Variants in ATP8B4 observed in about 807,000 individuals in gnomAD.
ATP8B4 encodes the protein ATPase phospholipid transporting 8B4 (putative).
Under a neutral mutation model 145.6 loss-of-function variants are expected in ATP8B4, and 133 were observed. That is an observed-to-expected ratio of 0.91 (90% CI 0.79 to 1.05). ATP8B4 has a LOEUF of 1.05. Among genes scored for constraint, ATP8B4 ranks in the 50% least tolerant of loss-of-function variants. The pLI is 0.00. For missense variants in ATP8B4, 1,458 were observed against 1,425.2 expected, an observed-to-expected ratio of 1.02 and a Z score of -0.37; for synonymous variants, 507 against 492.9, an observed-to-expected ratio of 1.03 and a Z score of -0.38.
At chr15:50,098,506 A>C (rs535825014) in intron 2 of ATP8B4, among the ~76,000 whole-genome samples, 2 of 150,750 alleles carry the variant, frequency 1.3e-5, no homozygotes, top group African/African-American at 4.9e-5. Context: ...CTGGTCTCAA[A>C]CTCCTGGCCT....
intron 7 of ATP8B4, 110 bp downstream of exon 7, chr15:50,010,735 G>A: frequency 4.7e-6 from 3 of 637,414 alleles, no homozygotes; most frequent in East Asian, 3.4e-5. Flanking sequence ...ACATACTGAT[G>A]ATAATTATTC....
At chr15:49,947,307 T>C (rs2042652750) in intron 14 of ATP8B4, among the ~76,000 whole-genome samples, 1 of 152,010 alleles carries the variant, frequency 6.6e-6, no homozygotes, top group South Asian at 2.1e-4. Context: ...GACACGTGCC[T>C]GTAGTCCCAG....
intron 6 of ATP8B4, among the ~76,000 whole-genome samples, chr15:50,032,710 G>A (rs549660635): frequency 1.2e-4 from 18 of 152,164 alleles, no homozygotes; most frequent in South Asian, 2.1e-4. Flanking sequence ...CCTAAAAATC[G>A]TATGTATAAA....
At chr15:50,023,515 T>C (rs1254306433) in intron 6 of ATP8B4, among the ~76,000 whole-genome samples, 1 of 152,154 alleles carries the variant, frequency 6.6e-6, no homozygotes, top group African/African-American at 2.4e-5. Context: ...TCTAAAATGC[T>C]CCCTATTTAA....
At chr15:50,057,890 T>G (rs1478685257) in intron 3 of ATP8B4, among the ~76,000 whole-genome samples, 1 of 152,116 alleles carries the variant, frequency 6.6e-6, no homozygotes, top group East Asian at 1.9e-4. Context: ...TTAATCACAC[T>G]AATTTTTTTT....
At chr15:49,952,771 G>T (rs571435937) in intron 14 of ATP8B4, among the ~76,000 whole-genome samples, 2 of 152,162 alleles carry the variant, frequency 1.3e-5, no homozygotes, top group Non-Finnish European at 2.9e-5. Context: ...TGGAGGTGAA[G>T]AGGTGCTCTA....
At chr15:49,874,976 C>CA (rs948343648) in intron 25 of ATP8B4, among the ~76,000 whole-genome samples, 70 of 147,916 alleles carry the variant, frequency 4.7e-4, no homozygotes, top group Middle Eastern at 3.4e-3. Flanking sequence ...TATGGGCAAG[C>CA]AAAAAAAAAG....
At chr15:49,981,124 CT>C (rs1237928337) in intron 11 of ATP8B4, 81 bp downstream of exon 11, 3 of 1,200,152 alleles carry the variant, frequency 2.5e-6, no homozygotes, top group Non-Finnish European at 3.6e-6. Flanking sequence ...AGAATGTAGG[CT>C]TCTTAAAGAA....
At chr15:49,870,504 AG>A (rs2033525978) in intron 25 of ATP8B4, among the ~76,000 whole-genome samples, 1 of 152,216 alleles carries the variant, frequency 6.6e-6, no homozygotes, top group Non-Finnish European at 1.5e-5. Context: ...TTTGGCCTGT[AG>A]CATCAGCAGG....
At chr15:50,024,008 T>G (rs1163890299) in intron 6 of ATP8B4, among the ~76,000 whole-genome samples, 1 of 152,114 alleles carries the variant, frequency 6.6e-6, no homozygotes, top group Non-Finnish European at 1.5e-5. Flanking sequence ...ACTGGAAAAT[T>G]AGGTTCTATT....
rs776401795 is a variant in ATP8B4 at position 50,179,917 on chromosome 15, A to G, written c.-43+2344T>C. Among the ~76,000 whole-genome samples the G allele has an allele frequency of 9.2e-5, 14 of 152,226 alleles. 1 individual carries two copies. The highest frequency in any genetic ancestry group is 1.8e-4 in the Non-Finnish European group (12 of 68,038). ...AAGACATCTATTAACCTCGTGATAA[A>G]GCAAGAGCTGGATCCCAGGCTCAAA... is the stretch of plus-strand genomic sequence containing the variant. On this transcript the variant is annotated intron_variant, in intron 1 of 3. Coordinates refer to the ATP8B4 transcript ENST00000558829.
chr15:49,901,742 A>T (rs4357881), intron 20 of ATP8B4: 3 of 398,746 alleles, frequency 7.5e-6, no homozygotes, highest in Non-Finnish European at 1.5e-5. Context: ...TGAGAAACAT[A>T]TTTTTTAAAA....
upstream of ATP8B4, among the ~76,000 whole-genome samples, chr15:50,119,752 C>CTTTTTTTTTTTT (rs572570694): frequency 1.1e-5 from 1 of 91,606 alleles, no homozygotes; most frequent in African/African-American, 4.3e-5. Context: ...GTTTTTGTCA[C>CTTTTTTTTTTTT]TTTTTTTTTT....
Position 49,934,162 on chromosome 15 carries a change from G to A in ATP8B4, c.1308C>T (p.Phe436=). The stretch of plus-strand genomic sequence containing the variant: ...CTCTATCCGCTTGAGATTTGACTGA[G>A]AAATCCACAGGCTCTTTTTCCTGTA... ...EITQEKEPVD[F]SVKSQADREF... is the part of the protein sequence containing the mutation. The change falls in exon 15 of 28, where the codon TTC becomes TTT. Residue 436 remains phenylalanine (F), a synonymous_variant. Coordinates refer to ENST00000284509, the MANE Select transcript of ATP8B4 (RefSeq NM_024837.4). 1 of 1,610,686 alleles carries A rather than the reference G, an allele frequency of 6.2e-7. No homozygotes were observed. Among genetic ancestry groups the A allele is most frequent in the Non-Finnish European group, 8.5e-7 (1 of 1,178,642 alleles).
intron 2 of ATP8B4, among the ~76,000 whole-genome samples, chr15:50,081,968 C>G (rs2153643203): frequency 6.6e-6 from 1 of 152,300 alleles, no homozygotes; most frequent in South Asian, 2.1e-4. Context: ...AAGACTGGTA[C>G]TGATCCAAAA....
chr15:49,939,323 T>C (rs2153475212), intron 14 of ATP8B4, among the ~76,000 whole-genome samples: 1 of 152,036 alleles, frequency 6.6e-6, no homozygotes, highest in East Asian at 1.9e-4. Context: ...GTTGGTTTTT[T>C]TGAAAGAATA....
intron 3 of ATP8B4, among the ~76,000 whole-genome samples, chr15:50,068,271 G>C (rs560195980): frequency 1.3e-5 from 2 of 152,310 alleles, no homozygotes; most frequent in Middle Eastern, 3.4e-3. Flanking sequence ...CCTTAGTGGT[G>C]TGATTGTAGC....
intron 26 of ATP8B4, among the ~76,000 whole-genome samples, chr15:49,862,798 C>G (rs1206236901): frequency 6.6e-6 from 1 of 152,092 alleles, no homozygotes; most frequent in Non-Finnish European, 1.5e-5. Context: ...CTAATGTCAC[C>G]ATGATGATAA....
chr15:49,961,898 C>T, intron 14 of ATP8B4, 79 bp downstream of exon 14: 1 of 1,207,792 alleles, frequency 8.3e-7, no homozygotes, highest in Non-Finnish European at 1.2e-6. Flanking sequence ...GAAATCAGGA[C>T]ACTAAAAGTT....
Sources: allele counts gnomAD v4.1 joint callset (sites outside exome capture counted in the v4.1 genomes callset), GRCh38; gene constraint gnomAD v4.1.1; transcripts MANE v1.5; gene names NCBI Gene and HGNC (gene_info 2026-07-23, HGNC 2026-07-21).